RUNX1T1: variants seen among roughly 807,000 people sequenced by gnomAD.
The protein encoded by RUNX1T1 is protein CBFA2T1.
In RUNX1T1, 4 loss-of-function variants were observed where a neutral mutation model predicts 62.8. The ratio of observed to expected loss-of-function variants is 0.06; its 90% confidence interval spans 0.03 to 0.15. The LOEUF (loss-of-function observed/expected upper bound fraction) is 0.15. Among genes scored for constraint, RUNX1T1 ranks in the 10% least tolerant of loss-of-function variants. The probability of loss-of-function intolerance (pLI) is 1.00; values close to 1 mark genes in which losing one functional copy is unlikely to be tolerated. For synonymous variants in RUNX1T1, 291 were observed against 286.0 expected (o/e 1.02, Z -0.18); for missense variants, 508 against 754.3 (o/e 0.67, Z 3.82).
At chr8:92,030,488 T>G (rs573857207) in intron 1 of RUNX1T1, among the ~76,000 whole-genome samples, 38 of 152,300 alleles carry the variant, frequency 2.5e-4, no homozygotes, top group African/African-American at 8.9e-4. Context: ...CTTATTCTCT[T>G]TAGAAGGGGT....
intron 1 of RUNX1T1, chr8:92,019,284 T>C (rs1291293344): frequency 6.6e-6 from 1 of 152,122 alleles, no homozygotes; most frequent in Non-Finnish European, 1.5e-5. Flanking sequence ...CAGAGTCGGC[T>C]GGGAGATAAC....
intron 9 of RUNX1T1, among the ~76,000 whole-genome samples, chr8:91,974,497 A>AT (rs1813499709): frequency 1.3e-5 from 2 of 152,124 alleles, no homozygotes; most frequent in Non-Finnish European, 1.5e-5. Context: ...ACTCCTCTGA[A>AT]CATAAAGTCA....
At chr8:92,029,667 G>T (rs956781019) in intron 1 of RUNX1T1, among the ~76,000 whole-genome samples, 1 of 152,062 alleles carries the variant, frequency 6.6e-6, no homozygotes, top group Admixed American at 6.6e-5. Flanking sequence ...TCCTCCATGT[G>T]CCTCTCCATT....
At chr8:91,960,459 C>T (rs779278771) in exon 11 of RUNX1T1, 10 of 1,614,106 alleles carry the variant, frequency 6.2e-6, no homozygotes, top group Admixed American at 3.3e-5. Flanking sequence ...GCCACAGTAT[C>T]GGGCTGTGTT....
chr8:92,051,493 A>C (rs1830220189), intron 1 of RUNX1T1, among the ~76,000 whole-genome samples: 2 of 152,166 alleles, frequency 1.3e-5, no homozygotes. Context: ...TCATCACAAA[A>C]AAGAGAGGAA....
intron 8 of RUNX1T1, among the ~76,000 whole-genome samples, chr8:91,985,218 T>C (rs1816299523): frequency 6.6e-6 from 1 of 152,126 alleles, no homozygotes. Context: ...TCCACAGAAA[T>C]CCACCTTCGT....
chr8:92,087,409 A>C (rs1836297608), intron 1 of RUNX1T1, among the ~76,000 whole-genome samples: 1 of 151,952 alleles, frequency 6.6e-6, no homozygotes. Context: ...TCTTTTCCAC[A>C]TCTAGGCTTC....
chr8:92,055,176 G>A (rs1168982651), intron 1 of RUNX1T1, among the ~76,000 whole-genome samples: 1 of 151,952 alleles, frequency 6.6e-6, no homozygotes, highest in Non-Finnish European at 1.5e-5. Context: ...AAGATGTTTT[G>A]GGAAAAAGTT....
At chr8:92,080,440 C>T (rs543536073) in intron 1 of RUNX1T1, among the ~76,000 whole-genome samples, 11 of 152,366 alleles carry the variant, frequency 7.2e-5, no homozygotes, top group African/African-American at 1.9e-4. Context: ...ACGACATCCA[C>T]GGCTATGAAG....
chr8:91,957,170 T>G (rs1355137417), downstream of RUNX1T1: 2 of 214,160 alleles, frequency 9.3e-6, no homozygotes, highest in African/African-American at 2.3e-5. Flanking sequence ...CAAATTATAT[T>G]CTCACATAGC....
chr8:91,976,902 T>C (rs1035769932), intron 8 of RUNX1T1, among the ~76,000 whole-genome samples: 5 of 152,288 alleles, frequency 3.3e-5, no homozygotes, highest in Admixed American at 6.5e-5. Flanking sequence ...TAAAACTTAA[T>C]TAATAAGCCC....
chr8:92,038,494 T>C (rs1370827216), intron 1 of RUNX1T1, among the ~76,000 whole-genome samples: 1 of 151,896 alleles, frequency 6.6e-6, no homozygotes, highest in East Asian at 1.9e-4. Context: ...CAAGGTTAGA[T>C]GTGAGGTGGG....
At chr8:92,018,391 G>A (rs1274500268) in intron 1 of RUNX1T1, among the ~76,000 whole-genome samples, 1 of 152,140 alleles carries the variant, frequency 6.6e-6, no homozygotes, top group Non-Finnish European at 1.5e-5. Flanking sequence ...GCATTTGCAC[G>A]ATGAGCTAGT....
At chr8:91,982,486 G>A (rs1207972532) in intron 8 of RUNX1T1, among the ~76,000 whole-genome samples, 2 of 152,072 alleles carry the variant, frequency 1.3e-5, no homozygotes, top group Admixed American at 6.6e-5. Flanking sequence ...CAAGCACTTC[G>A]GAAAACATAC....
At chr8:92,050,844 C>A (rs968381882) in intron 1 of RUNX1T1, among the ~76,000 whole-genome samples, 8 of 152,168 alleles carry the variant, frequency 5.3e-5, no homozygotes, top group Non-Finnish European at 1.2e-4. Flanking sequence ...TAGAATAAAT[C>A]CCCAACTTCT....
intron 8 of RUNX1T1, among the ~76,000 whole-genome samples, chr8:91,979,253 G>A: frequency 6.6e-6 from 1 of 152,096 alleles, no homozygotes; most frequent in East Asian, 1.9e-4. Flanking sequence ...TCTATATAGG[G>A]AAAACTGAGT....
At chr8:92,058,029 G>A (rs79871261) in intron 1 of RUNX1T1, among the ~76,000 whole-genome samples, 40 of 152,218 alleles carry the variant, frequency 2.6e-4, no homozygotes, top group African/African-American at 9.1e-4. Flanking sequence ...TCCAATAGGC[G>A]TTCGTGTAGC....
At chr8:92,103,215 G>C (rs1808457036), upstream of RUNX1T1, 2 of 304,198 alleles carry the variant, frequency 6.6e-6, no homozygotes, top group Non-Finnish European at 1.2e-5. Flanking sequence ...TGCTGTGGCA[G>C]ACAAATGTGA....
chr8:91,955,351 A>G (rs1809197988), downstream of RUNX1T1: 1 of 227,016 alleles, frequency 4.4e-6, no homozygotes. Context: ...GCAGTAACAC[A>G]TTAAAAATAG....
Sources: gnomAD v4.1 joint callset for allele counts (sites outside exome capture counted in the v4.1 genomes callset) on GRCh38, gnomAD v4.1.1 for gene constraint, MANE v1.5 for transcripts, NCBI Gene and HGNC (gene_info 2026-07-23, HGNC 2026-07-21) for gene names.